Variants in SRFBP1 observed in about 807,000 individuals in gnomAD.
The protein encoded by SRFBP1 is serum response factor binding protein 1, also known as serum response factor-binding protein 1.
SRFBP1 carries 47 observed loss-of-function variants against 45.5 expected under a neutral mutation model. The observed-to-expected ratio is 1.03, with a 90% CI of 0.82 to 1.32. SRFBP1 has a LOEUF of 1.32. Among genes scored for constraint, SRFBP1 ranks in the 40% most tolerant of loss-of-function variants. SRFBP1 has a pLI of 0.00. For missense variants in SRFBP1, 621 were observed against 484.6 expected (o/e 1.28, Z -2.64); for synonymous variants, 203 against 166.3 (o/e 1.22, Z -1.70).
chr5:121,971,207 A>G (rs1009875715), intron 1 of SRFBP1, among the ~76,000 whole-genome samples: 2 of 152,020 alleles, frequency 1.3e-5, no homozygotes, highest in Non-Finnish European at 2.9e-5. Flanking sequence ...GGCATTGTGG[A>G]TAACTGATTG....
At chr5:122,004,513 T>C (rs532151758) in intron 4 of SRFBP1, among the ~76,000 whole-genome samples, 2 of 152,182 alleles carry the variant, frequency 1.3e-5, no homozygotes, top group Non-Finnish European at 2.9e-5. Context: ...TCATCAGTTG[T>C]AATATTTCCT....
intron 3 of SRFBP1, among the ~76,000 whole-genome samples, chr5:121,989,029 T>C (rs1752572878): frequency 6.6e-6 from 1 of 151,788 alleles, no homozygotes; most frequent in Admixed American, 6.6e-5. Flanking sequence ...GAGAACTACA[T>C]TTATCTGAAA....
rs1255805227 is a variant in SRFBP1, at chr5:122,070,273, TTAAG to T, written n.312-5036_312-5033del. The T allele has an allele frequency of 3.7e-5, 27 of 734,964 alleles. No homozygotes were observed. The East Asian group carries it at 6.5e-4, about 18-fold the overall frequency. 45.5% of individuals were successfully genotyped at this position (734,964 alleles called of 1,614,324 possible). On this transcript the variant is annotated intron_variant and non_coding_transcript_variant, in intron 2 of 2. Transcript: ENST00000504881. ...AATCAAGCAGGGAAGGGATTTTAAC[TTAAG>T]TAAGTGGTTAAACTCTGGAGACGTT... is the stretch of plus-strand genomic sequence containing the variant.
intron 4 of SRFBP1, among the ~76,000 whole-genome samples, chr5:121,998,165 G>GTATA (rs1192422236): frequency 6.6e-6 from 1 of 151,436 alleles, no homozygotes; most frequent in Non-Finnish European, 1.5e-5. Flanking sequence ...CCATTACTGG[G>GTATA]TATATACCCA....
intron 2 of SRFBP1, among the ~76,000 whole-genome samples, chr5:122,067,883 C>T (rs189054320): frequency 7.9e-5 from 12 of 152,136 alleles, no homozygotes; most frequent in African/African-American, 9.6e-5. Flanking sequence ...TAAAGTCACT[C>T]CTGAAACTCA....
rs117974596 is a variant in SRFBP1, at chr5:122,041,077, A to G, written n.311+18670A>G. Among the ~76,000 whole-genome samples, 8 of 152,270 alleles carry G rather than the reference A, an allele frequency of 5.3e-5. No homozygotes were observed. The East Asian group carries it at 7.7e-4, about 15-fold the overall frequency. ...AAATATTTGCTTTTCGAAAATATGC[A>G]TAAGTTTTTCAGTTTATCAATGACT... On this transcript the variant is annotated intron_variant and non_coding_transcript_variant, in intron 2 of 2. Coordinates refer to the SRFBP1 transcript ENST00000504881.
At chr5:122,077,900 T>A, downstream of SRFBP1, 2 of 1,519,654 alleles carry the variant, frequency 1.3e-6, no homozygotes, top group Middle Eastern at 1.8e-4. This position sits in a 1 kb window ranked among gnomAD's most constrained non-coding sequence, Gnocchi z 4.9. Flanking sequence ...CGGGGGCTGC[T>A]GTTGGCCGGC....
Position 121,979,597 on chromosome 5 carries a change from G to A in SRFBP1, c.198+4210G>A, listed in dbSNP as rs370343555. The stretch of plus-strand genomic sequence containing the variant: ...TTTGTGAGCCAATACAAATAATCGT[G>A]TTATCAAATCAGACTCAACGTGTTA... On this transcript the variant is annotated intron_variant, in intron 3 of 7. Transcript: ENST00000339397. Among the ~76,000 whole-genome samples, 35 of 152,260 alleles carry A rather than the reference G, an allele frequency of 2.3e-4. No homozygotes were observed. In the East Asian group the frequency reaches 3.5e-3, roughly 15 times the overall value.
intron 2 of SRFBP1, chr5:122,069,812 G>T (rs1451864753): frequency 1.5e-5 from 7 of 479,296 alleles, no homozygotes; most frequent in Non-Finnish European, 2.4e-5. Context: ...TAAACACTGT[G>T]GTCTGTTTAT....
At chr5:122,026,745 G>A (rs1753488564) in intron 7 of SRFBP1, among the ~76,000 whole-genome samples, 197 bp from the exon 8 acceptor site, 2 of 152,220 alleles carry the variant, frequency 1.3e-5, no homozygotes, top group South Asian at 2.1e-4. Context: ...GAAAGCATGT[G>A]TGTCAAAATT....
At chr5:122,054,729 CA>C (rs1308528085) in intron 2 of SRFBP1, among the ~76,000 whole-genome samples, 2 of 152,134 alleles carry the variant, frequency 1.3e-5, no homozygotes, top group African/African-American at 4.8e-5. Flanking sequence ...TAGTTGGCAG[CA>C]TTATGTTTCT....
intron 3 of SRFBP1, among the ~76,000 whole-genome samples, chr5:121,989,959 A>G (rs1752588345): frequency 6.6e-6 from 1 of 152,086 alleles, no homozygotes; most frequent in Non-Finnish European, 1.5e-5. Flanking sequence ...TTTTTGGCAA[A>G]TCTTGGATTT....
chr5:122,047,654 T>C (rs1158790800), intron 2 of SRFBP1, among the ~76,000 whole-genome samples: 31 of 152,226 alleles, frequency 2.0e-4, no homozygotes, highest in Admixed American at 3.9e-4. Context: ...GCCATTTTCA[T>C]GATATTGATT....
downstream of SRFBP1, chr5:122,078,010 G>T (rs1467602819): frequency 6.9e-7 from 1 of 1,439,028 alleles, no homozygotes; most frequent in Non-Finnish European, 9.1e-7. Context: ...GATTGACCCC[G>T]CTCGAGGAGG....
chr5:122,004,606 A>C (rs182863016), intron 4 of SRFBP1, among the ~76,000 whole-genome samples: 1 of 151,980 alleles, frequency 6.6e-6, no homozygotes, highest in Admixed American at 6.5e-5. Context: ...ATCTTCAAAA[A>C]CCAACTCTTG....
At chr5:122,047,978 A>G (rs1473454567) in intron 2 of SRFBP1, among the ~76,000 whole-genome samples, 1 of 152,224 alleles carries the variant, frequency 6.6e-6, no homozygotes, top group Admixed American at 6.5e-5. Context: ...GTATACAATC[A>G]TGTCATCTGC....
At chr5:122,020,929 C>A in intron 6 of SRFBP1, 127 bp downstream of exon 6, 3 of 843,922 alleles carry the variant, frequency 3.6e-6, no homozygotes, top group Non-Finnish European at 3.5e-6. Context: ...TTAGACATGG[C>A]CCTCTCCAAG....
At chr5:121,998,781 G>A (rs957005726) in intron 4 of SRFBP1, among the ~76,000 whole-genome samples, 7 of 151,962 alleles carry the variant, frequency 4.6e-5, no homozygotes, top group Non-Finnish European at 8.8e-5. Context: ...TACAAATGAG[G>A]AAACTGGAAC....
intron 2 of SRFBP1, among the ~76,000 whole-genome samples, chr5:122,039,322 A>G (rs1753737735): frequency 6.6e-6 from 1 of 152,198 alleles, no homozygotes; most frequent in African/African-American, 2.4e-5. Flanking sequence ...TGAGCTGGTT[A>G]TAGTAACTGG....
Sources: gnomAD v4.1 joint callset for allele counts (sites outside exome capture counted in the v4.1 genomes callset) on GRCh38, gnomAD v4.1.1 for gene constraint, Gnocchi (gnomAD v3.1) non-coding constraint, MANE v1.5 for transcripts, NCBI Gene and HGNC (gene_info 2026-07-23, HGNC 2026-07-21) for gene names.